GRM5: variants seen among roughly 807,000 people sequenced by gnomAD.
GRM5 encodes the protein glutamate metabotropic receptor 5, also known as metabotropic glutamate receptor 5.
In GRM5, 19 loss-of-function variants were observed where a neutral mutation model predicts 83.1. The observed-to-expected ratio is 0.23, with a 90% CI of 0.16 to 0.34. The LOEUF (loss-of-function observed/expected upper bound fraction) is 0.34, where lower values mean the gene tolerates loss of function less well. Among genes scored for constraint, GRM5 ranks in the 10% least tolerant of loss-of-function variants. GRM5 has a pLI of 1.00. For missense variants in GRM5, 1,160 were observed against 1,588.3 expected, an observed-to-expected ratio of 0.73 and a Z score of 4.58; for synonymous variants, 675 against 633.6, an observed-to-expected ratio of 1.07 and a Z score of -0.98.
intron 9 of GRM5, among the ~76,000 whole-genome samples, chr11:88,511,365 C>T (rs1001388486): frequency 6.6e-6 from 1 of 152,186 alleles, no homozygotes; most frequent in Non-Finnish European, 1.5e-5. Context: ...AAACCCACTC[C>T]CTTGGTAACA....
chr11:89,044,989 A>C (rs1396823650), intron 2 of GRM5, among the ~76,000 whole-genome samples: 1 of 152,166 alleles, frequency 6.6e-6, no homozygotes, highest in African/African-American at 2.4e-5. Flanking sequence ...TGTACTGATA[A>C]ATCATAAGAC....
chr11:89,064,876 CTCTCTCTCTCTCTGTG>C (rs1159191054), intron 1 of GRM5, among the ~76,000 whole-genome samples: 10 of 47,456 alleles, frequency 2.1e-4, no homozygotes, highest in Admixed American at 5.3e-4. Context: ...CTCTCTCTCT[CTCTCTCTCTCTCTGTG>C]TGTGTGTGTG....
intron 2 of GRM5, among the ~76,000 whole-genome samples, chr11:88,973,781 C>A (rs1264718862): frequency 1.3e-5 from 2 of 152,052 alleles, no homozygotes; most frequent in Non-Finnish European, 2.9e-5. Flanking sequence ...CTGAAACTTA[C>A]TCTTAACATT....
chr11:88,854,056 G>GTATATATATATATATATATATA (rs1565262477), intron 2 of GRM5, among the ~76,000 whole-genome samples: 6 of 17,772 alleles, frequency 3.4e-4, no homozygotes, highest in Admixed American at 1.1e-3. Flanking sequence ...AAAAAATGTG[G>GTATATATATATATATATATATA]TGTATATATA....
At chr11:88,888,093 A>T (rs1945076226) in intron 2 of GRM5, among the ~76,000 whole-genome samples, 1 of 152,132 alleles carries the variant, frequency 6.6e-6, no homozygotes, top group Admixed American at 6.5e-5. Context: ...ACCCCTACAG[A>T]AAATACATAA....
chr11:88,978,369 T>C (rs1486312773), intron 2 of GRM5, among the ~76,000 whole-genome samples: 1 of 151,828 alleles, frequency 6.6e-6, no homozygotes, highest in Non-Finnish European at 1.5e-5. Flanking sequence ...ATTAATTATG[T>C]ACAGCAGGGG....
intron 1 of GRM5, among the ~76,000 whole-genome samples, chr11:89,054,152 C>T (rs1483417519): frequency 6.6e-6 from 1 of 152,108 alleles, no homozygotes; most frequent in Non-Finnish European, 1.5e-5. Context: ...GAAACTTGCA[C>T]TAACTTAGGT....
At chr11:88,790,975 A>C (rs1294241818) in intron 3 of GRM5, among the ~76,000 whole-genome samples, 1 of 152,236 alleles carries the variant, frequency 6.6e-6, no homozygotes, top group Non-Finnish European at 1.5e-5. Context: ...AATGTGGAAG[A>C]TGAATTGCAA....
At chr11:88,770,437 AAG>A (rs1364357986) in intron 3 of GRM5, among the ~76,000 whole-genome samples, 1 of 152,146 alleles carries the variant, frequency 6.6e-6, no homozygotes, top group Non-Finnish European at 1.5e-5. Context: ...TGTCAGAGGA[AAG>A]AGAGGTAATG....
At chr11:88,797,466 C>T (rs1590864043) in intron 3 of GRM5, among the ~76,000 whole-genome samples, 1 of 152,190 alleles carries the variant, frequency 6.6e-6, no homozygotes, top group African/African-American at 2.4e-5. Context: ...ATTATAAACC[C>T]ACTTAAAAAA....
intron 7 of GRM5, among the ~76,000 whole-genome samples, chr11:88,574,917 C>T (rs1004969413): frequency 4.6e-5 from 7 of 151,276 alleles, no homozygotes; most frequent in Non-Finnish European, 8.8e-5. Context: ...TTAGAAAGTG[C>T]CATCCAACTA....
intron 3 of GRM5, among the ~76,000 whole-genome samples, chr11:88,792,511 C>T (rs948362805): frequency 1.3e-5 from 2 of 152,046 alleles, no homozygotes; most frequent in Non-Finnish European, 2.9e-5. Flanking sequence ...TGACAGGACT[C>T]CTATTATTTC....
intron 3 of GRM5, among the ~76,000 whole-genome samples, chr11:88,785,455 G>A (rs1057457282): frequency 6.6e-6 from 1 of 151,944 alleles, no homozygotes; most frequent in Non-Finnish European, 1.5e-5. Context: ...GTTGTTCAAA[G>A]AATAAATTGA....
chr11:88,614,348 C>T (rs572327223), intron 4 of GRM5, among the ~76,000 whole-genome samples: 1 of 152,086 alleles, frequency 6.6e-6, no homozygotes, highest in Admixed American at 6.6e-5. Context: ...TCACACAGAG[C>T]CTGGCACAAG....
At chr11:88,692,051 G>A (rs780334636) in intron 3 of GRM5, among the ~76,000 whole-genome samples, 11 of 152,104 alleles carry the variant, frequency 7.2e-5, no homozygotes, top group Non-Finnish European at 1.3e-4. Flanking sequence ...CAGAAACACT[G>A]GAAGCTGCAC....
At chr11:88,575,412 T>C (rs1227498467) in intron 7 of GRM5, among the ~76,000 whole-genome samples, 1 of 147,112 alleles carries the variant, frequency 6.8e-6, no homozygotes, top group East Asian at 1.9e-4. Flanking sequence ...TACTAACTTA[T>C]TTATTTATTT....
rs1458329374 is a variant in GRM5, at chr11:88,506,035, A to G, written c.*2557T>C. On this transcript the variant is annotated 3_prime_UTR_variant, in exon 10 of 10. Coordinates refer to ENST00000305447, the MANE Select transcript of GRM5 (RefSeq NM_001143831.3). ...CTAATAATCTTATGTCCAACATACA[A>G]TGTATTCAATGGAGTGGCAAAAGTT... 1 of 152,232 alleles carries G rather than the reference A, an allele frequency of 6.6e-6. No homozygotes were observed. Among genetic ancestry groups the G allele is most frequent in the African/African-American group, 2.4e-5 (1 of 41,452 alleles). 9.4% of individuals were successfully genotyped at this position (152,232 alleles called of 1,614,324 possible).
At chr11:88,972,252 G>T (rs1939187397) in intron 2 of GRM5, among the ~76,000 whole-genome samples, 1 of 151,960 alleles carries the variant, frequency 6.6e-6, no homozygotes, top group African/African-American at 2.4e-5. Context: ...TTCCAACCCT[G>T]ACATAAAACT....
At chr11:89,054,369 ATGCGGCGG>A (rs1225430455) in intron 1 of GRM5, among the ~76,000 whole-genome samples, 3 of 152,206 alleles carry the variant, frequency 2.0e-5, no homozygotes, top group Non-Finnish European at 4.4e-5. Context: ...GTGGTGGAGA[ATGCGGCGG>A]CAAGGATGTG....
Sources: gnomAD v4.1 joint callset for allele counts (sites outside exome capture counted in the v4.1 genomes callset) on GRCh38, gnomAD v4.1.1 for gene constraint, MANE v1.5 for transcripts, NCBI Gene and HGNC (gene_info 2026-07-23, HGNC 2026-07-21) for gene names.